CACNA1E: variants seen among roughly 807,000 people sequenced by gnomAD.
CACNA1E encodes the protein calcium voltage-gated channel subunit alpha1 E.
CACNA1E carries 40 observed loss-of-function variants against 259.2 expected under a neutral mutation model. That is an observed-to-expected ratio of 0.15 (90% CI 0.12 to 0.20). CACNA1E has a LOEUF of 0.20. Among genes scored for constraint, CACNA1E ranks in the 10% least tolerant of loss-of-function variants. The pLI, the probability that CACNA1E is intolerant of heterozygous loss-of-function variation, is 1.00. For missense variants in CACNA1E, 1,874 were observed against 3,040.1 expected (o/e 0.62, Z 9.02); for synonymous variants, 1,104 against 1,138.5 (o/e 0.97, Z 0.61).
chr1:181,368,470 CTT>C (rs1654445709), intron 1 of CACNA1E, among the ~76,000 whole-genome samples: 1 of 152,148 alleles, frequency 6.6e-6, no homozygotes, highest in African/African-American at 2.4e-5. Context: ...TCGCAATTAG[CTT>C]GAAATAAGAA....
chr1:181,655,168 T>C (rs1296648270), intron 7 of CACNA1E, among the ~76,000 whole-genome samples: 4 of 152,098 alleles, frequency 2.6e-5, no homozygotes. Context: ...AAATTTTTAT[T>C]TTACTTTAAT....
chr1:181,624,909 A>C (rs1430248736), intron 6 of CACNA1E, among the ~76,000 whole-genome samples: 2 of 152,212 alleles, frequency 1.3e-5, no homozygotes, highest in African/African-American at 4.8e-5. Context: ...TAAGACTTGA[A>C]AGTTGAAATT....
intron 2 of CACNA1E, among the ~76,000 whole-genome samples, chr1:181,432,126 G>T (rs550628151): frequency 1.2e-4 from 19 of 152,246 alleles, no homozygotes; most frequent in African/African-American, 4.6e-4. Context: ...TACCTCCTTG[G>T]CCTGATTTAA....
At chr1:181,403,594 CAT>C (rs1193207965) in intron 1 of CACNA1E, among the ~76,000 whole-genome samples, 3 of 152,092 alleles carry the variant, frequency 2.0e-5, no homozygotes, top group Non-Finnish European at 2.9e-5. Context: ...AACCAAAAAA[CAT>C]AGAGAGGGAT....
intron 7 of CACNA1E, among the ~76,000 whole-genome samples, chr1:181,680,581 G>A (rs1259039586): frequency 6.6e-6 from 1 of 152,164 alleles, no homozygotes; most frequent in Non-Finnish European, 1.5e-5. Flanking sequence ...CACACGCCCT[G>A]CCTCCGGAAA....
At chr1:181,481,609 C>T (rs890230026), upstream of CACNA1E, among the ~76,000 whole-genome samples, 1 of 152,080 alleles carries the variant, frequency 6.6e-6, no homozygotes, top group African/African-American at 2.4e-5. Flanking sequence ...TTCCATTGTT[C>T]GGGTTGGAAG....
At chr1:181,493,089 C>T (rs1664457515) in intron 1 of CACNA1E, among the ~76,000 whole-genome samples, 1 of 152,140 alleles carries the variant, frequency 6.6e-6, no homozygotes. Context: ...GATCACAAAT[C>T]CTACTGACAT....
At chr1:181,390,119 C>T (rs958726051) in intron 1 of CACNA1E, among the ~76,000 whole-genome samples, 3 of 152,098 alleles carry the variant, frequency 2.0e-5, no homozygotes, top group African/African-American at 7.2e-5. Context: ...GTGACGGTGC[C>T]CCTGAGCCTA....
intron 22 of CACNA1E, 24 bp downstream of exon 22, chr1:181,736,458 C>G (rs1343389998): frequency 6.2e-7 from 1 of 1,600,702 alleles, no homozygotes. Flanking sequence ...GCGTTGCTCC[C>G]TCTTTAGTGC....
At chr1:181,515,735 G>A (rs1379752784) in intron 3 of CACNA1E, among the ~76,000 whole-genome samples, 1 of 152,204 alleles carries the variant, frequency 6.6e-6, no homozygotes, top group Non-Finnish European at 1.5e-5. Flanking sequence ...ATGGGAGGAT[G>A]AGAGTCAAGG....
At chr1:181,769,278 C>T (rs1659285655) in intron 35 of CACNA1E, among the ~76,000 whole-genome samples, 2 of 151,590 alleles carry the variant, frequency 1.3e-5, no homozygotes, top group Non-Finnish European at 2.9e-5. Context: ...TATGAGGCCT[C>T]AGCATCCCTT....
At chr1:181,548,959 A>G (rs1415224375) in intron 3 of CACNA1E, among the ~76,000 whole-genome samples, 2 of 152,224 alleles carry the variant, frequency 1.3e-5, no homozygotes, top group African/African-American at 4.8e-5. Flanking sequence ...AGCATCTTTC[A>G]AGCCCCGAAA....
intron 2 of CACNA1E, among the ~76,000 whole-genome samples, chr1:181,419,960 C>T (rs1416426726): frequency 6.6e-6 from 1 of 152,166 alleles, no homozygotes; most frequent in Admixed American, 6.5e-5. Flanking sequence ...GACTTATGTT[C>T]TTTAGACAGG....
intron 25 of CACNA1E, among the ~76,000 whole-genome samples, chr1:181,744,050 G>A (rs765462120): frequency 9.9e-5 from 15 of 152,236 alleles, no homozygotes; most frequent in African/African-American, 2.7e-4. Context: ...GCTCACAGCC[G>A]CACTTGGCCT....
intron 2 of CACNA1E, among the ~76,000 whole-genome samples, chr1:181,416,870 G>A (rs929605431): frequency 2.0e-5 from 3 of 152,074 alleles, no homozygotes; most frequent in Non-Finnish European, 4.4e-5. Context: ...GTTAGCCCTG[G>A]GTTTACTGCC....
chr1:181,460,617 C>T (rs977597731), intron 2 of CACNA1E, among the ~76,000 whole-genome samples: 1 of 152,190 alleles, frequency 6.6e-6, no homozygotes, highest in Non-Finnish European at 1.5e-5. Context: ...CAAACCCATC[C>T]ATGGAGTTCC....
chr1:181,755,181 C>A, intron 27 of CACNA1E, 56 bp from the exon 28 acceptor site: 13 of 1,502,220 alleles, frequency 8.7e-6, no homozygotes, highest in Non-Finnish European at 1.2e-5. Context: ...CGGCTCTAGG[C>A]AAGTATGCAG....
intron 6 of CACNA1E, among the ~76,000 whole-genome samples, chr1:181,581,480 C>T (rs1651537804): frequency 1.3e-5 from 2 of 152,128 alleles, no homozygotes. Flanking sequence ...AGCTAGTGAG[C>T]TGTGCTTTTT....
intron 16 of CACNA1E, among the ~76,000 whole-genome samples, chr1:181,723,627 C>T (rs553300467): frequency 2.8e-4 from 43 of 152,266 alleles, no homozygotes; most frequent in Non-Finnish European, 5.0e-4. Context: ...CTTACGATGA[C>T]GATTGCATGC....
Sources: gnomAD v4.1 joint callset for allele counts (sites outside exome capture counted in the v4.1 genomes callset) on GRCh38, gnomAD v4.1.1 for gene constraint, MANE v1.5 for transcripts, NCBI Gene and HGNC (gene_info 2026-07-23, HGNC 2026-07-21) for gene names.